POT1: variants seen among roughly 807,000 people sequenced by gnomAD.
POT1 encodes the protein protection of telomeres 1, also known as protection of telomeres protein 1.
In POT1, 47 loss-of-function variants were observed where a neutral mutation model predicts 78.5. The ratio of observed to expected loss-of-function variants is 0.60; its 90% CI spans 0.47 to 0.76. The LOEUF (loss-of-function observed/expected upper bound fraction) is 0.76. Ranked by LOEUF, POT1 falls within the 30% of genes least tolerant of loss-of-function variation. The pLI, the probability that POT1 is intolerant of heterozygous loss-of-function variation, is 0.00. For missense variants in POT1, 646 were observed against 749.9 expected (o/e 0.86, Z 1.62); for synonymous variants, 259 against 260.7 (o/e 0.99, Z 0.06).
chr7:124,925,127 G>C (rs1210541525), intron 2 of POT1, among the ~76,000 whole-genome samples: 1 of 151,894 alleles, frequency 6.6e-6, no homozygotes, highest in Non-Finnish European at 1.5e-5. Flanking sequence ...AATGAGGCAA[G>C]GGAAAAAAAC....
At chr7:124,876,335 C>CTTTTTTT (rs144187475) in intron 6 of POT1, among the ~76,000 whole-genome samples, 1 of 152,046 alleles carries the variant, frequency 6.6e-6, no homozygotes, top group African/African-American at 2.4e-5. Context: ...CATTCAAAAA[C>CTTTTTTT]TTTAAAAGGT....
Position 124,853,134 on chromosome 7 carries a change from C to A in POT1, c.707G>T (p.Gly236Val). 2 of 1,567,864 alleles carry A rather than the reference C, an allele frequency of 1.3e-6. No homozygotes were observed. Among genetic ancestry groups the A allele is most frequent in the Non-Finnish European group, 8.7e-7 (1 of 1,150,618 alleles). Residue 236 changes from glycine (G) to valine (V), a missense_variant, in exon 10 of 19, where the codon GGA (glycine) becomes GTA (valine). Physicochemically the swap from Gly to Val is moderately radical, Grantham distance 109. Coordinates refer to ENST00000357628, the MANE Select transcript of POT1 (RefSeq NM_015450.3). ...AAGGCTATAGATTCTAAGAAAGCTT[C>A]CAACCTAAAAAATAGATCATTTGTT... is the stretch of plus-strand genomic sequence containing the variant. ...HVHVARSLKV[G>V]SFLRIYSLHT... is the part of the protein sequence containing the mutation.
intron 12 of POT1, among the ~76,000 whole-genome samples, chr7:124,845,167 C>T (rs1036203421): frequency 6.6e-6 from 1 of 152,162 alleles, no homozygotes; most frequent in African/African-American, 2.4e-5. Flanking sequence ...AATTAACAAA[C>T]ATTACTCAAA....
chr7:124,853,003 C>G lies in POT1; in HGVS notation c.838G>C (p.Glu280Gln), dbSNP rs1795350724. ...AGTTGATCCACATCAGAGTTACTTT[C>G]TGGCAAGACCCTGATTCCCCGACCG... ...SYGRGIRVLPESNSDVDQLKK... is the reference protein window; with the variant it reads ...SYGRGIRVLPQSNSDVDQLKK... Residue 280 changes from glutamate (E) to glutamine (Q), a missense_variant, in exon 10 of 19, where the codon GAA (glutamate) becomes CAA (glutamine). Glu to Gln is a conservative substitution (Grantham distance 29). Around this residue, in one of 2 missense-constraint regions of POT1, gnomAD observed 252 missense variants for 341.4 expected, o/e 0.74. Transcript: ENST00000357628. 1.2e-6 allele frequency: 2 copies of G among 1,613,216 alleles called. No homozygotes were observed. Among genetic ancestry groups the G allele is most frequent in the Admixed American group, 3.3e-5 (2 of 59,950 alleles).
chr7:124,929,804 G>T lies in POT1; in HGVS notation c.-422C>A, dbSNP rs1396889223. The T allele has an allele frequency of 2.0e-5, 3 of 152,288 alleles. No homozygotes were observed. Among genetic ancestry groups the T allele is most frequent in the Non-Finnish European group, 4.4e-5 (3 of 68,102 alleles). 9.4% of individuals were successfully genotyped at this position (152,288 alleles called of 1,614,324 possible). On this transcript the variant is annotated 5_prime_UTR_variant, in exon 1 of 19. Coordinates refer to ENST00000357628, the MANE Select transcript of POT1 (RefSeq NM_015450.3). ...ACAAATTTCACTCACCCGTACTCTA[G>T]AAAGAACCCTAGGAAGAGTTTAGGC...
At chr7:124,838,939 T>C (rs559811435) in intron 14 of POT1, among the ~76,000 whole-genome samples, 1 of 152,262 alleles carries the variant, frequency 6.6e-6, no homozygotes, top group Non-Finnish European at 1.5e-5. Context: ...AAGTTATTTT[T>C]GGATATTGAC....
At chr7:124,871,202 G>A (rs1014260175) in intron 6 of POT1, among the ~76,000 whole-genome samples, 161 bp from the exon 7 acceptor site, 4 of 151,976 alleles carry the variant, frequency 2.6e-5, no homozygotes, top group African/African-American at 7.2e-5. Flanking sequence ...AATACACACT[G>A]CAAAATTATT....
At chr7:124,878,922 A>T (rs1310972124) in intron 6 of POT1, among the ~76,000 whole-genome samples, 2 of 152,094 alleles carry the variant, frequency 1.3e-5, no homozygotes, top group African/African-American at 4.8e-5. Flanking sequence ...ACTAGAGAAG[A>T]AAGTAAACAA....
At chr7:124,883,041 A>G (rs771071203) in intron 6 of POT1, among the ~76,000 whole-genome samples, 9 of 152,174 alleles carry the variant, frequency 5.9e-5, no homozygotes, top group South Asian at 2.1e-4. Flanking sequence ...CCAAATCTTT[A>G]AAGAGGTAAG....
At chr7:124,897,517 G>A (rs1353627261) in intron 4 of POT1, among the ~76,000 whole-genome samples, 1 of 151,864 alleles carries the variant, frequency 6.6e-6, no homozygotes, top group Non-Finnish European at 1.5e-5. Context: ...AGGATAGAAT[G>A]TAAAAGAATG....
At chr7:124,911,268 T>C (rs1373823116) in intron 3 of POT1, among the ~76,000 whole-genome samples, 1 of 152,078 alleles carries the variant, frequency 6.6e-6, no homozygotes, top group Non-Finnish European at 1.5e-5. Flanking sequence ...AAAATAGATA[T>C]TTACAAAGGG....
chr7:124,896,798 A>G (rs1056601433), intron 5 of POT1, among the ~76,000 whole-genome samples: 2 of 151,768 alleles, frequency 1.3e-5, no homozygotes, highest in Non-Finnish European at 3.0e-5. Context: ...AATTCAGCAC[A>G]TAATTGTCTG....
In POT1 at chr7:124,842,914, C is replaced by A. The variant is rs745361850; in HGVS notation, c.1056G>T (p.Leu352Phe). 1 of 1,607,156 alleles carries A rather than the reference C, an allele frequency of 6.2e-7. No homozygotes were observed. The change falls in exon 13 of 19, where the codon TTG becomes TTT. Residue 352 changes from leucine (L) to phenylalanine (F), a missense_variant. Physicochemically the swap from Leu to Phe is conservative, Grantham distance 22. Transcript: ENST00000357628. ...YLERTPLCAI[L>F]KQKAPQQYRI... Reference sequence around the variant, plus strand: ...GGTATTGTTGAGGAGCTTTTTGTTTCAAAATGGCACATAGTGGTGTCCTCT... The same window carrying A: ...GGTATTGTTGAGGAGCTTTTTGTTTAAAAATGGCACATAGTGGTGTCCTCT...
At chr7:124,861,009 G>C (rs773898596) in intron 8 of POT1, among the ~76,000 whole-genome samples, 1 of 152,030 alleles carries the variant, frequency 6.6e-6, no homozygotes, top group Non-Finnish European at 1.5e-5. Flanking sequence ...TCTACCATTC[G>C]TGGGCATTTG....
intron 10 of POT1, among the ~76,000 whole-genome samples, chr7:124,852,723 T>TC (rs1795340724): frequency 6.6e-6 from 1 of 152,110 alleles, no homozygotes; most frequent in Non-Finnish European, 1.5e-5. Flanking sequence ...TGGTAAATGA[T>TC]AGAAGAGAAG....
intron 11 of POT1, among the ~76,000 whole-genome samples, chr7:124,847,417 C>A (rs1056022681): frequency 1.3e-5 from 2 of 152,138 alleles, no homozygotes; most frequent in African/African-American, 4.8e-5. Context: ...TCACTTGAAC[C>A]CAGGAGGTGG....
intron 5 of POT1, among the ~76,000 whole-genome samples, chr7:124,894,409 A>G (rs1397867464): frequency 6.6e-6 from 1 of 151,618 alleles, no homozygotes; most frequent in Non-Finnish European, 1.5e-5. Context: ...AAAGGCCAGC[A>G]AAACTCAATG....
At chr7:124,864,689 G>A (rs1028348366) in intron 7 of POT1, among the ~76,000 whole-genome samples, 38 of 151,822 alleles carry the variant, frequency 2.5e-4, no homozygotes, top group African/African-American at 8.7e-4. Context: ...CCTATTTTAC[G>A]CGTTCTACTT....
chr7:124,830,316 A>G (rs1433669741), intron 15 of POT1, among the ~76,000 whole-genome samples: 1 of 152,184 alleles, frequency 6.6e-6, no homozygotes, highest in Non-Finnish European at 1.5e-5. Context: ...TTGATAAGAA[A>G]ATATACTTGA....
Sources: allele counts gnomAD v4.1 joint callset (sites outside exome capture counted in the v4.1 genomes callset), GRCh38; gene constraint gnomAD v4.1.1; regional missense constraint gnomAD v4.1.1; transcripts MANE v1.5; gene names NCBI Gene and HGNC (gene_info 2026-07-23, HGNC 2026-07-21).